DUSP18: variants seen among roughly 807,000 people sequenced by gnomAD.
DUSP18 encodes dual specificity protein phosphatase 18.
In DUSP18, 4 loss-of-function variants were observed where a neutral mutation model predicts 6.3. That is an observed-to-expected ratio of 0.63 (90% CI 0.31 to 1.45). DUSP18 has a LOEUF of 1.45. Among genes scored for constraint, DUSP18 ranks in the 40% most tolerant of loss-of-function variants. The pLI is 0.07. For synonymous variants in DUSP18, 96 were observed against 95.1 expected (o/e 1.01, Z -0.05); for missense variants, 235 against 247.7 (o/e 0.95, Z 0.34).
In DUSP18 at chr22:30,663,457, G is replaced by A. The variant is rs142285924; in HGVS notation, c.547C>T (p.Arg183Cys). The change falls in exon 2 of 2, where the codon CGT becomes TGT. Residue 183 changes from arginine (R) to cysteine (C), a missense_variant. Coordinates refer to ENST00000334679, the MANE Select transcript of DUSP18 (RefSeq NM_152511.5). ...MIPDIYEKEVRLMIPL is the reference protein window; with the variant it reads ...MIPDIYEKEVCLMIPL ...ATGGCTCACAGTGGAATCATCAAACGGACTTCCTTCTCATAGATGTCAGGG... is the reference window on the plus strand; with the variant it reads ...ATGGCTCACAGTGGAATCATCAAACAGACTTCCTTCTCATAGATGTCAGGG... 498 of 1,610,728 alleles carry A rather than the reference G, an allele frequency of 3.1e-4. 1 individual carries two copies. The East Asian group carries it at 4.0e-3, about 13-fold the overall frequency.
downstream of DUSP18, among the ~76,000 whole-genome samples, chr22:30,658,576 C>T (rs1045383498): frequency 3.3e-5 from 5 of 151,616 alleles, no homozygotes; most frequent in Non-Finnish European, 7.4e-5. Flanking sequence ...ATGGAGGGTG[C>T]GTAACAAGCA....
chr22:30,659,890 A>G (rs1264603125), downstream of DUSP18, among the ~76,000 whole-genome samples: 1 of 152,194 alleles, frequency 6.6e-6, no homozygotes, highest in African/African-American at 2.4e-5. Context: ...GAAAAGTTAG[A>G]AGTATTTAAA....
chr22:30,666,561 GCAGTGAGC>G (rs1318953106), intron 1 of DUSP18, among the ~76,000 whole-genome samples: 1 of 141,862 alleles, frequency 7.0e-6, no homozygotes, highest in Non-Finnish European at 1.5e-5. Context: ...GGCGGAGGCT[GCAGTGAGC>G]CAAGATCGTG....
In DUSP18 at chr22:30,663,706, T is replaced by A. The variant is rs747647004; in HGVS notation, c.298A>T (p.Thr100Ser). Residue 100 changes from threonine (T) to serine (S), a missense_variant, in exon 2 of 2, where the codon ACT (threonine) becomes TCT (serine). Thr to Ser is a moderately conservative substitution (Grantham distance 58). Transcript: ENST00000334679. ...IHSVEMKQGR[T>S]LLHCAAGVSR... is the part of the protein sequence containing the mutation. ...ACACCAGCAGCACAGTGCAGCAAAG[T>A]ACGGCCCTGCTTCATCTCCACGCTG... The A allele has an allele frequency of 5.6e-6, 9 of 1,614,214 alleles. No homozygotes were observed. Among genetic ancestry groups the A allele is most frequent in the Non-Finnish European group, 7.6e-6 (9 of 1,180,044 alleles).
At chr22:30,666,660 G>C (rs952419125) in intron 1 of DUSP18, 1 of 138,740 alleles carries the variant, frequency 7.2e-6, no homozygotes, top group Non-Finnish European at 1.5e-5. Flanking sequence ...ATCTCTATCA[G>C]GCACTGTATT....
Position 30,663,635 on chromosome 22 carries a change from G to T in DUSP18, c.369C>A (p.His123Gln). The change falls in exon 2 of 2, where the codon CAC becomes CAA. Residue 123 changes from histidine to glutamine, a missense_variant. By Grantham distance (24) the His-to-Gln change is conservative. Transcript: ENST00000334679. The part of the protein sequence containing the change: ...ALCLAYLMKY[H>Q]AMSLLDAHTW... The stretch of plus-strand genomic sequence containing the variant: ...TGTGGGCGTCCAGCAGGGACATGGC[G>T]TGGTACTTCATGAGGTAGGCGAGGC... 1.2e-6 allele frequency: 2 copies of T among 1,614,254 alleles called. No individual in the cohort carries two copies. The highest frequency in any genetic ancestry group is 1.7e-6 in the Non-Finnish European group (2 of 1,180,044).
At chr22:30,661,187 C>T (rs566685268), downstream of DUSP18, among the ~76,000 whole-genome samples, 1 of 152,044 alleles carries the variant, frequency 6.6e-6, no homozygotes, top group Non-Finnish European at 1.5e-5. Context: ...GAAAAAAAAT[C>T]TACAATAGCC....
intron 1 of DUSP18, among the ~76,000 whole-genome samples, chr22:30,664,664 T>TC (rs987988944): frequency 2.0e-5 from 3 of 152,148 alleles, no homozygotes; most frequent in African/African-American, 7.2e-5. Context: ...GTTCCCATTT[T>TC]CCCCCTCTAA....
downstream of DUSP18, among the ~76,000 whole-genome samples, chr22:30,659,691 G>A (rs2088420799): frequency 6.6e-6 from 1 of 152,160 alleles, no homozygotes; most frequent in Non-Finnish European, 1.5e-5. Context: ...TAAGAATCAA[G>A]ATTTGGAAAT....
intron 2 of DUSP18, among the ~76,000 whole-genome samples, chr22:30,653,365 TTCC>T (rs1569063093): frequency 6.6e-6 from 1 of 150,494 alleles, no homozygotes; most frequent in African/African-American, 2.4e-5. Flanking sequence ...ATGTGCCCCC[TTCC>T]TCCTTCTTTT....
downstream of DUSP18, among the ~76,000 whole-genome samples, chr22:30,658,830 T>A (rs1403173409): frequency 6.6e-6 from 1 of 151,952 alleles, no homozygotes; most frequent in Non-Finnish European, 1.5e-5. Flanking sequence ...CTGTTCTGAT[T>A]TACATGGCAA....
intron 2 of DUSP18, chr22:30,654,952 C>T (rs2088304080): frequency 1.9e-5 from 3 of 161,360 alleles, no homozygotes; most frequent in South Asian, 1.8e-4. Flanking sequence ...GTTCAATCCT[C>T]GTTGTCCATA....
chr22:30,654,556 CG>C, intron 2 of DUSP18: 2 of 442,960 alleles, frequency 4.5e-6, no homozygotes, highest in East Asian at 6.9e-5. Flanking sequence ...CAGCATGCCT[CG>C]GGGTCCGCCA....
chr22:30,654,522 C>A, intron 2 of DUSP18: 2 of 430,008 alleles, frequency 4.7e-6, no homozygotes, highest in Admixed American at 5.2e-5. Context: ...TCTTGGGCGG[C>A]CTGGCTTCCT....
At position 30,662,958 on chromosome 22, in the gene DUSP18, C is replaced by G. The variant is rs1400874057; in HGVS notation, c.*479G>C. ...GGAAGCAGAGGTGGCCTGGGACCCC[C>G]CAGGATTCCTGGAGCACTGCCTGAA... On this transcript the variant is annotated 3_prime_UTR_variant, in exon 2 of 2. Transcript: ENST00000334679. The G allele has an allele frequency of 6.5e-6, 1 of 154,534 alleles. No homozygotes were observed. The allele number at this position is 154,534 out of a possible 1,614,324, so 9.6% of individuals were successfully genotyped here.
downstream of DUSP18, among the ~76,000 whole-genome samples, chr22:30,660,941 G>T (rs1404840172): frequency 6.6e-6 from 1 of 151,840 alleles, no homozygotes; most frequent in African/African-American, 2.4e-5. Context: ...CCGGGTTCAA[G>T]TAATTCTCCT....
chr22:30,656,412 C>T (rs1273316146), intron 2 of DUSP18, among the ~76,000 whole-genome samples: 1 of 152,176 alleles, frequency 6.6e-6, no homozygotes, highest in Non-Finnish European at 1.5e-5. Context: ...TCCTCAGGGC[C>T]AACAGCATGT....
chr22:30,653,242 C>A (rs1345594611), intron 2 of DUSP18, among the ~76,000 whole-genome samples: 2 of 152,148 alleles, frequency 1.3e-5, no homozygotes, highest in African/African-American at 4.8e-5. Context: ...TCCAAGCCTA[C>A]CCCCACTGCC....
At chr22:30,653,639 G>T (rs2088272018) in intron 2 of DUSP18, among the ~76,000 whole-genome samples, 1 of 151,920 alleles carries the variant, frequency 6.6e-6, no homozygotes, top group Non-Finnish European at 1.5e-5. Flanking sequence ...CTCCCAAAGT[G>T]CTTGGGATAC....
Sources: gnomAD v4.1 joint callset for allele counts (sites outside exome capture counted in the v4.1 genomes callset) on GRCh38, gnomAD v4.1.1 for gene constraint, MANE v1.5 for transcripts, NCBI Gene and HGNC (gene_info 2026-07-23, HGNC 2026-07-21) for gene names.